The following ADK variants were observed in gnomAD, a reference collection of about 807,000 sequenced individuals.
The protein encoded by ADK is N6,N6-dimethyladenosine kinase.
A neutral mutation model predicts 44.7 loss-of-function variants in ADK; 24 were observed. That is an observed-to-expected ratio of 0.54 (90% CI 0.39 to 0.76). The LOEUF (loss-of-function observed/expected upper bound fraction) is 0.76, where lower values mean the gene tolerates loss of function less well. ADK is among the 30% of genes least tolerant of loss of function. The probability of loss-of-function intolerance (pLI) is 0.00; values close to 1 mark genes in which losing one functional copy is unlikely to be tolerated. For missense variants in ADK, 321 were observed against 425.1 expected (o/e 0.76, Z 2.15); for synonymous variants, 128 against 142.6 (o/e 0.90, Z 0.73).
chr10:74,484,005 C>T (rs1847173354), intron 6 of ADK, among the ~76,000 whole-genome samples: 1 of 152,188 alleles, frequency 6.6e-6, no homozygotes. Flanking sequence ...TTACACTGTT[C>T]CAACGTTGCT....
chr10:74,413,534 T>C (rs1469289684), intron 6 of ADK, among the ~76,000 whole-genome samples: 1 of 152,218 alleles, frequency 6.6e-6, no homozygotes, highest in East Asian at 1.9e-4. Context: ...ACCTCTCAGC[T>C]TTAACAGAAT....
At chr10:74,476,042 A>G (rs1004215487) in intron 6 of ADK, among the ~76,000 whole-genome samples, 2 of 152,216 alleles carry the variant, frequency 1.3e-5, no homozygotes, top group Non-Finnish European at 2.9e-5. Flanking sequence ...TCGTGAGTTT[A>G]TAATGGTATC....
intron 4 of ADK, among the ~76,000 whole-genome samples, chr10:74,358,446 A>G (rs772023522): frequency 6.6e-4 from 100 of 152,230 alleles, no homozygotes; most frequent in Non-Finnish European, 1.4e-3. Context: ...TCTCAAAGGT[A>G]CCTACTAGAT....
intron 6 of ADK, among the ~76,000 whole-genome samples, chr10:74,480,977 C>G (rs879932938): frequency 2.0e-5 from 3 of 152,040 alleles, no homozygotes; most frequent in East Asian, 3.8e-4. Context: ...TCTACTTTCT[C>G]TCTTTGTTAT....
chr10:74,543,788 A>T (rs1849731536), intron 7 of ADK, among the ~76,000 whole-genome samples: 2 of 152,216 alleles, frequency 1.3e-5, no homozygotes. Context: ...ATTTTAGCAC[A>T]GTAAAAGTAA....
chr10:74,467,333 T>C (rs1390010011), intron 6 of ADK, among the ~76,000 whole-genome samples: 2 of 152,244 alleles, frequency 1.3e-5, no homozygotes, highest in South Asian at 2.1e-4. Flanking sequence ...CTTGATGCAA[T>C]GAAGAACAAT....
chr10:74,402,704 C>T (rs773274034), intron 6 of ADK, among the ~76,000 whole-genome samples: 5 of 152,126 alleles, frequency 3.3e-5, no homozygotes, highest in Non-Finnish European at 5.9e-5. Flanking sequence ...TCCTTTAGCT[C>T]GGAGAAGTTT....
intron 3 of ADK, among the ~76,000 whole-genome samples, chr10:74,247,348 C>T (rs954706849): frequency 1.3e-5 from 2 of 150,148 alleles, no homozygotes; most frequent in African/African-American, 4.9e-5. Context: ...AAGTGATCCT[C>T]CCACCTCAGC....
At chr10:74,624,898 C>A (rs1589308733) in intron 9 of ADK, among the ~76,000 whole-genome samples, 1 of 151,864 alleles carries the variant, frequency 6.6e-6, no homozygotes, top group Non-Finnish European at 1.5e-5. Context: ...TGAAAAGATT[C>A]TTGATCATGT....
chr10:74,203,999 C>T (rs544045271), intron 2 of ADK, among the ~76,000 whole-genome samples: 1 of 137,380 alleles, frequency 7.3e-6, no homozygotes, highest in African/African-American at 2.8e-5. Context: ...CTCTGTTGTC[C>T]AGGCTGGAGT....
chr10:74,527,686 G>A lies in ADK; in HGVS notation c.726+2260G>A, dbSNP rs544455360. ...AGCCTACCAAAACTGTGTCAAAAATGCCTCTCTTATTTCTGCATTGTCCAC... is the reference window on the plus strand; with the variant it reads ...AGCCTACCAAAACTGTGTCAAAAATACCTCTCTTATTTCTGCATTGTCCAC... On this transcript the variant is annotated intron_variant, in intron 7 of 10. Transcript: ENST00000539909. 5.4e-5 allele frequency: 63 copies of A among 1,170,814 alleles called. No individual in the cohort carries two copies. The South Asian group carries it at 7.3e-4, about 14-fold the overall frequency. 72.5% of individuals were successfully genotyped at this position (1,170,814 alleles called of 1,614,324 possible).
At chr10:74,155,864 G>C (rs1841735961) in intron 1 of ADK, among the ~76,000 whole-genome samples, 1 of 152,128 alleles carries the variant, frequency 6.6e-6, no homozygotes, top group Non-Finnish European at 1.5e-5. Context: ...GCCTAAAATT[G>C]AGCTTTGCTA....
intron 9 of ADK, among the ~76,000 whole-genome samples, chr10:74,622,736 G>A (rs564143926): frequency 1.4e-4 from 21 of 152,256 alleles, no homozygotes; most frequent in African/African-American, 3.4e-4. Flanking sequence ...GGCCTGGTGC[G>A]GTGGCTCATG....
intron 6 of ADK, among the ~76,000 whole-genome samples, chr10:74,522,061 G>A (rs1421377773): frequency 1.3e-5 from 2 of 152,134 alleles, no homozygotes; most frequent in East Asian, 3.8e-4. Context: ...TCCATCGCAA[G>A]GGTCATGACT....
chr10:74,478,994 C>CT (rs1007899197), intron 6 of ADK, among the ~76,000 whole-genome samples: 1 of 151,992 alleles, frequency 6.6e-6, no homozygotes, highest in Non-Finnish European at 1.5e-5. Context: ...CCACATGTAT[C>CT]TTTTTTTAAA....
At chr10:74,338,421 A>G (rs538570881) in intron 4 of ADK, among the ~76,000 whole-genome samples, 1 of 152,346 alleles carries the variant, frequency 6.6e-6, no homozygotes, top group South Asian at 2.1e-4. Flanking sequence ...TGAGTATTTA[A>G]CATAGAAAAA....
At chr10:74,187,519 C>T (rs1323703384) in intron 1 of ADK, among the ~76,000 whole-genome samples, 1 of 151,706 alleles carries the variant, frequency 6.6e-6, no homozygotes, top group Non-Finnish European at 1.5e-5. Flanking sequence ...CACACACACT[C>T]TTTCTCTCTC....
chr10:74,178,950 CT>C (rs1366014409), intron 1 of ADK, among the ~76,000 whole-genome samples: 1 of 152,158 alleles, frequency 6.6e-6, no homozygotes, highest in Non-Finnish European at 1.5e-5. Flanking sequence ...TGCATGGTGC[CT>C]TTGTAGAAAC....
intron 9 of ADK, among the ~76,000 whole-genome samples, chr10:74,647,094 C>A (rs1420066360): frequency 6.6e-6 from 1 of 150,778 alleles, no homozygotes; most frequent in African/African-American, 2.5e-5. Context: ...TAAACATAGT[C>A]ATTTCCTTAA....
Sources: gnomAD v4.1 joint callset for allele counts (sites outside exome capture counted in the v4.1 genomes callset) on GRCh38, gnomAD v4.1.1 for gene constraint, MANE v1.5 for transcripts, NCBI Gene and HGNC (gene_info 2026-07-23, HGNC 2026-07-21) for gene names.